Variants in CHRDL1 observed in about 807,000 individuals in gnomAD.
CHRDL1 encodes chordin like 1.
Under a neutral mutation model 40.9 loss-of-function variants are expected in CHRDL1, and 19 were observed. The ratio of observed to expected loss-of-function variants is 0.46; its 90% CI spans 0.32 to 0.68. The LOEUF (loss-of-function observed/expected upper bound fraction) is 0.68, where lower values mean the gene tolerates loss of function less well. CHRDL1 is among the 30% of genes least tolerant of loss of function. The pLI is 0.03. For synonymous variants in CHRDL1, 136 were observed against 123.4 expected, an observed-to-expected ratio of 1.10 and a Z score of -0.68; for missense variants, 329 against 352.1, an observed-to-expected ratio of 0.93 and a Z score of 0.53.
chrX:110,696,721 A>C (rs1480790171), intron 7 of CHRDL1, among the ~76,000 whole-genome samples: 1 of 111,409 alleles, frequency 9.0e-6, no homozygotes, highest in Non-Finnish European at 1.9e-5. Flanking sequence ...TGAGCTGTAA[A>C]AAATACTCAT....
chrX:110,723,739 C>T lies in CHRDL1; in HGVS notation c.302-2209G>A, dbSNP rs766882174. 2.2e-4 allele frequency among the ~76,000 whole-genome samples: 25 copies of T among 112,405 alleles called. No individual in the cohort carries two copies. In the South Asian group the frequency reaches 4.5e-3, roughly 20 times the overall value. On this transcript the variant is annotated intron_variant, in intron 4 of 11. Coordinates refer to ENST00000372042, the MANE Select transcript of CHRDL1 (RefSeq NM_001143981.2). ...GTTGTGGCCTAAAATACCCAGAAAACAGACAATGCACTTCTTTTGGCTTCA... is the reference window on the plus strand; with the variant it reads ...GTTGTGGCCTAAAATACCCAGAAAATAGACAATGCACTTCTTTTGGCTTCA...
intron 2 of CHRDL1, among the ~76,000 whole-genome samples, chrX:110,775,713 T>C (rs957727811): frequency 1.8e-5 from 2 of 111,629 alleles, no homozygotes; most frequent in Non-Finnish European, 3.8e-5. Context: ...TTAAAGTGAC[T>C]ATTGATTTGC....
intron 2 of CHRDL1, among the ~76,000 whole-genome samples, chrX:110,769,900 A>G (rs1443713251): frequency 8.9e-6 from 1 of 112,401 alleles, no homozygotes; most frequent in Admixed American, 9.4e-5. Flanking sequence ...ATAAATATTA[A>G]AAGATGTTCA....
At chrX:110,793,086 A>G (rs762227647) in intron 1 of CHRDL1, among the ~76,000 whole-genome samples, 2 of 112,388 alleles carry the variant, frequency 1.8e-5, no homozygotes, top group South Asian at 7.4e-4. Flanking sequence ...CAGATGTTAG[A>G]GTTTGCAAAA....
intron 2 of CHRDL1, among the ~76,000 whole-genome samples, chrX:110,788,251 A>G (rs1209465294): frequency 8.9e-6 from 1 of 112,230 alleles, no homozygotes; most frequent in East Asian, 2.8e-4. Context: ...TATAAGAGAA[A>G]TTGTAACTAT....
At chrX:110,714,193 C>CTGTTACTT (rs1301432211) in intron 6 of CHRDL1, among the ~76,000 whole-genome samples, 1 of 111,220 alleles carries the variant, frequency 9.0e-6, no homozygotes, top group Non-Finnish European at 1.9e-5. Context: ...ACCCCAGTGT[C>CTGTTACTT]TGTTACTTCC....
intron 4 of CHRDL1, among the ~76,000 whole-genome samples, chrX:110,733,028 C>T (rs1156877164): frequency 8.9e-6 from 1 of 112,179 alleles, no homozygotes; most frequent in African/African-American, 3.2e-5. Flanking sequence ...ACAACAAAGT[C>T]AACTGATTAT....
chrX:110,747,060 C>T (rs1014422529), intron 4 of CHRDL1, among the ~76,000 whole-genome samples: 2 of 110,483 alleles, frequency 1.8e-5, no homozygotes, highest in Admixed American at 9.6e-5. Context: ...TTCCTCCCCC[C>T]ATGATAACAC....
chrX:110,685,229 C>CT (rs1440894377), intron 9 of CHRDL1, among the ~76,000 whole-genome samples: 4 of 111,609 alleles, frequency 3.6e-5, no homozygotes, highest in East Asian at 2.8e-4. Context: ...CTTTTTGTTT[C>CT]TTTTTTTTGT....
At chrX:110,712,293 T>C (rs2148455237) in intron 6 of CHRDL1, among the ~76,000 whole-genome samples, 1 of 111,385 alleles carries the variant, frequency 9.0e-6, no homozygotes, top group East Asian at 2.8e-4. Flanking sequence ...ATGAGTAGGA[T>C]GCGAATAGGT....
intron 4 of CHRDL1, among the ~76,000 whole-genome samples, chrX:110,733,270 C>T (rs936719273): frequency 9.0e-6 from 1 of 111,408 alleles, no homozygotes; most frequent in Non-Finnish European, 1.9e-5. Flanking sequence ...CGGACCCACA[C>T]CACAGCATGG....
chrX:110,720,004 A>G (rs2070919294), intron 5 of CHRDL1, 76 bp from the exon 6 acceptor site: 1 of 593,374 alleles, frequency 1.7e-6, no homozygotes, highest in Non-Finnish European at 2.7e-6. Context: ...CCTGAAATAG[A>G]GCAGGGACTC....
At chrX:110,721,577 CA>C in intron 4 of CHRDL1, 47 bp from the exon 5 acceptor site, 1 of 1,097,404 alleles carries the variant, frequency 9.1e-7, no homozygotes, top group Non-Finnish European at 1.3e-6. Flanking sequence ...GCATCATTGA[CA>C]AGAATTTCAT....
At chrX:110,754,453 G>A (rs1358153208) in intron 4 of CHRDL1, among the ~76,000 whole-genome samples, 3 of 112,270 alleles carry the variant, frequency 2.7e-5, no homozygotes, top group African/African-American at 9.7e-5. Context: ...TTTCAGATAT[G>A]TGCATATTGT....
chrX:110,727,760 T>C (rs1273202412), intron 4 of CHRDL1, among the ~76,000 whole-genome samples: 1 of 112,374 alleles, frequency 8.9e-6, no homozygotes, highest in African/African-American at 3.2e-5. Context: ...GATTAAAACA[T>C]GATGAAGGGC....
At chrX:110,757,095 A>G (rs2089468455) in intron 4 of CHRDL1, among the ~76,000 whole-genome samples, 2 of 111,584 alleles carry the variant, frequency 1.8e-5, no homozygotes, top group Admixed American at 9.5e-5. Flanking sequence ...GAAGTAATAT[A>G]TCATTTTAGG....
chrX:110,730,966 T>C (rs956713526), intron 4 of CHRDL1, among the ~76,000 whole-genome samples: 1 of 111,617 alleles, frequency 9.0e-6, no homozygotes, highest in Non-Finnish European at 1.9e-5. Context: ...CCAGCTCTTG[T>C]CTTGCCTTTT....
intron 4 of CHRDL1, among the ~76,000 whole-genome samples, chrX:110,745,108 C>T (rs1269178657): frequency 9.0e-6 from 1 of 111,378 alleles, no homozygotes; most frequent in African/African-American, 3.3e-5. Context: ...TGCCCTATCT[C>T]CATAGTGCTC....
chrX:110,680,043 A>G lies in CHRDL1; in HGVS notation c.1157-618T>C, dbSNP rs757259378. Reference sequence around the variant, plus strand: ...GCTTTTATCACAATAACAGGTAGACAACTGACAACTGCCTTATACTGAAGG... The same window carrying G: ...GCTTTTATCACAATAACAGGTAGACGACTGACAACTGCCTTATACTGAAGG... On this transcript the variant is annotated intron_variant, in intron 10 of 11. Coordinates refer to ENST00000372042, the MANE Select transcript of CHRDL1 (RefSeq NM_001143981.2). Among the ~76,000 whole-genome samples the G allele has an allele frequency of 4.9e-4, 55 of 112,118 alleles. 1 individual carries two copies. The highest frequency in any genetic ancestry group is 1.6e-3 in the African/African-American group (48 of 30,847).
Sources: allele counts gnomAD v4.1 joint callset (sites outside exome capture counted in the v4.1 genomes callset), GRCh38; gene constraint gnomAD v4.1.1; transcripts MANE v1.5; gene names NCBI Gene and HGNC (gene_info 2026-07-23, HGNC 2026-07-21).